MYO3A: variants seen among roughly 807,000 people sequenced by gnomAD.
MYO3A encodes myosin IIIA, also known as myosin-IIIa.
In MYO3A, 180 loss-of-function variants were observed where a neutral mutation model predicts 192.7. The ratio of observed to expected loss-of-function variants is 0.93; its 90% CI spans 0.83 to 1.06. The LOEUF (loss-of-function observed/expected upper bound fraction) is 1.06, where lower values mean the gene tolerates loss of function less well. MYO3A is among the 50% of genes least tolerant of loss of function. The pLI is 0.00. For missense variants in MYO3A, 1,896 were observed against 1,905.0 expected (o/e 1.00, Z 0.09); for synonymous variants, 628 against 645.3 (o/e 0.97, Z 0.41).
intron 19 of MYO3A, among the ~76,000 whole-genome samples, chr10:26,128,172 T>C (rs1839323141): frequency 6.6e-6 from 1 of 152,194 alleles, no homozygotes; most frequent in African/African-American, 2.4e-5. Context: ...GTTTCTGTAG[T>C]TCAAGGAAAA....
At chr10:26,014,376 C>G (rs533311013) in intron 6 of MYO3A, among the ~76,000 whole-genome samples, 1 of 152,030 alleles carries the variant, frequency 6.6e-6, no homozygotes, top group African/African-American at 2.4e-5. Context: ...AGGTTTTAAA[C>G]TTCATATAAC....
intron 26 of MYO3A, 145 bp from the exon 27 acceptor site, chr10:26,165,922 T>C: frequency 1.3e-6 from 1 of 771,852 alleles, no homozygotes; most frequent in Admixed American, 1.8e-5. Context: ...ACTCCGAAGT[T>C]GTTCTGAGGA....
At chr10:26,015,828 C>T (rs1408843941) in intron 6 of MYO3A, among the ~76,000 whole-genome samples, 1 of 152,150 alleles carries the variant, frequency 6.6e-6, no homozygotes, top group Non-Finnish European at 1.5e-5. Context: ...CGTTGAATTT[C>T]ATGGTAAAAG....
At chr10:26,160,089 C>A (rs1048509436) in intron 26 of MYO3A, among the ~76,000 whole-genome samples, 18 of 151,644 alleles carry the variant, frequency 1.2e-4, no homozygotes, top group Admixed American at 5.3e-4. Context: ...AAAATGAGAT[C>A]TTTAATTTGC....
chr10:26,143,611 C>G lies in MYO3A; in HGVS notation c.2416+10C>G. On this transcript the variant is annotated intron_variant, in intron 21 of 34. Coordinates refer to ENST00000642920, the MANE Select transcript of MYO3A (RefSeq NM_017433.5). ...GACCAGACTCTTGTAGGTGAGTTTT[C>G]AGTCCAGTGTGTCTGCATGGTTTTA... is the stretch of plus-strand genomic sequence containing the variant. 5.0e-6 allele frequency: 8 copies of G among 1,613,688 alleles called. No homozygotes were observed. Among genetic ancestry groups the G allele is most frequent in the Non-Finnish European group, 6.8e-6 (8 of 1,179,704 alleles).
intron 6 of MYO3A, among the ~76,000 whole-genome samples, chr10:26,014,911 A>C (rs952092054): frequency 7.2e-5 from 11 of 152,174 alleles, no homozygotes; most frequent in Admixed American, 5.9e-4. Context: ...AATAGAAAAC[A>C]CATATTTGAT....
chr10:26,078,858 G>T (rs1348725403), intron 14 of MYO3A, among the ~76,000 whole-genome samples: 5 of 152,058 alleles, frequency 3.3e-5, no homozygotes, highest in African/African-American at 1.2e-4. Context: ...TATTCCTTCT[G>T]GTCTGAGAGA....
chr10:26,076,208 T>C (rs1022705435), intron 14 of MYO3A, among the ~76,000 whole-genome samples: 1 of 152,168 alleles, frequency 6.6e-6, no homozygotes, highest in African/African-American at 2.4e-5. Flanking sequence ...AGTAAGGTGG[T>C]ATCACATTGT....
intron 4 of MYO3A, among the ~76,000 whole-genome samples, chr10:25,976,818 C>T (rs1273452292): frequency 1.3e-5 from 2 of 152,040 alleles, no homozygotes; most frequent in Non-Finnish European, 2.9e-5. Flanking sequence ...TTTAGTCTAT[C>T]TTGGTGATTT....
chr10:25,936,218 G>A (rs1332929891), intron 2 of MYO3A, among the ~76,000 whole-genome samples: 1 of 151,646 alleles, frequency 6.6e-6, no homozygotes, highest in Admixed American at 6.6e-5. Context: ...TTTTTCGACT[G>A]CATCTTTATA....
chr10:25,995,292 C>T (rs9804262), intron 4 of MYO3A, among the ~76,000 whole-genome samples: 30,200 of 152,174 alleles, frequency 0.2, 3,132 homozygotes, highest in Middle Eastern at 0.29. Context: ...TCCAGTTGAT[C>T]GAATCAGTTG....
At chr10:26,052,945 C>A (rs545154347) in intron 10 of MYO3A, among the ~76,000 whole-genome samples, 2 of 152,146 alleles carry the variant, frequency 1.3e-5, no homozygotes, top group South Asian at 4.1e-4. Context: ...GAAACTATGT[C>A]TCTCCAGTAT....
chr10:26,157,264 T>C (rs1299133227), intron 25 of MYO3A, 46 bp from the exon 26 acceptor site: 1 of 1,571,230 alleles, frequency 6.4e-7, no homozygotes, highest in Admixed American at 1.7e-5. Context: ...AGCTCATACG[T>C]TTTTGTATGC....
intron 17 of MYO3A, among the ~76,000 whole-genome samples, chr10:26,101,643 C>G (rs1837462106): frequency 6.6e-6 from 1 of 152,136 alleles, no homozygotes; most frequent in Non-Finnish European, 1.5e-5. Flanking sequence ...TTTTCTTTCT[C>G]CTTCACTTAT....
intron 10 of MYO3A, among the ~76,000 whole-genome samples, chr10:26,053,826 A>AAAACAAAAAG (rs1554814559): frequency 6.6e-6 from 1 of 151,504 alleles, no homozygotes. Context: ...CTCCGTTTCA[A>AAAACAAAAAG]AAAAAGAAAA....
chr10:26,165,256 T>C (rs980264536), intron 26 of MYO3A, among the ~76,000 whole-genome samples: 2 of 152,192 alleles, frequency 1.3e-5, no homozygotes, highest in Non-Finnish European at 2.9e-5. Flanking sequence ...CGTCTACATA[T>C]CAGGGCCTCT....
At chr10:26,086,577 C>T (rs1306054037) in intron 14 of MYO3A, among the ~76,000 whole-genome samples, 1 of 152,060 alleles carries the variant, frequency 6.6e-6, no homozygotes, top group African/African-American at 2.4e-5. Flanking sequence ...ATAACCTCTC[C>T]TTACCAGATT....
At chr10:26,179,308 G>A (rs925325949) in intron 31 of MYO3A, among the ~76,000 whole-genome samples, 2 of 151,272 alleles carry the variant, frequency 1.3e-5, no homozygotes, top group Non-Finnish European at 2.9e-5. Flanking sequence ...TTACCATGTT[G>A]GCCAGGCTGA....
In MYO3A at chr10:26,168,872, C is replaced by T. The variant is rs757269664; in HGVS notation, c.3272C>T (p.Ser1091Leu). Residue 1091 changes from serine (S) to leucine (L), a missense_variant and splice_region_variant, in exon 28 of 35, where the codon TCA becomes TTA. Transcript: ENST00000642920. ...KRKESAIIIQSAARGHLVRKQ... is the reference protein window; with the variant it reads ...KRKESAIIIQLAARGHLVRKQ... ...AAAGAAAGCGCTATAATAATACAGT[C>T]AGGTAATCTCTTTGACATATTTAGA... 12 of 1,608,036 alleles carry T rather than the reference C, an allele frequency of 7.5e-6. No individual in the cohort carries two copies. Among genetic ancestry groups the T allele is most frequent in the Non-Finnish European group, 9.3e-6 (11 of 1,177,102 alleles).
Sources: gnomAD v4.1 joint callset for allele counts (sites outside exome capture counted in the v4.1 genomes callset) on GRCh38, gnomAD v4.1.1 for gene constraint, MANE v1.5 for transcripts, NCBI Gene and HGNC (gene_info 2026-07-23, HGNC 2026-07-21) for gene names.